PLPPR1: variants seen among roughly 807,000 people sequenced by gnomAD.
The protein encoded by PLPPR1 is phospholipid phosphatase-related protein type 1.
A neutral mutation model predicts 33.1 loss-of-function variants in PLPPR1; 10 were observed. The ratio of observed to expected loss-of-function variants is 0.30; its 90% CI spans 0.19 to 0.51. PLPPR1 has a LOEUF of 0.51. PLPPR1 is among the 20% of genes least tolerant of loss of function. PLPPR1 has a pLI of 0.97. For missense variants in PLPPR1, 304 were observed against 408.1 expected, an observed-to-expected ratio of 0.74 and a Z score of 2.20; for synonymous variants, 151 against 151.0, an observed-to-expected ratio of 1.00 and a Z score of 0.00.
At chr9:101,317,813 T>C (rs1829084024) in intron 7 of PLPPR1, among the ~76,000 whole-genome samples, 1 of 152,184 alleles carries the variant, frequency 6.6e-6, no homozygotes, top group South Asian at 2.1e-4. Flanking sequence ...AAAAAAGCAA[T>C]TTGACTTAAT....
chr9:101,165,885 T>A (rs3097688), intron 1 of PLPPR1, among the ~76,000 whole-genome samples: 97,434 of 152,034 alleles, frequency 0.64, 31,974 homozygotes, highest in Non-Finnish European at 0.72. Context: ...GAATTCACTC[T>A]CCTGCCTGTC....
intron 1 of PLPPR1, among the ~76,000 whole-genome samples, chr9:101,170,076 G>A (rs984461335): frequency 6.6e-5 from 10 of 152,070 alleles, no homozygotes; most frequent in South Asian, 2.1e-4. Context: ...GCTGAGGGAC[G>A]TTGTTTATAT....
At position 101,287,586 on chromosome 9, in the gene PLPPR1, C is replaced by T. The variant is rs112331623; in HGVS notation, c.385+1350C>T. ...CACGACCTCGGCTCACTGCAACCTC[C>T]GTCTGCCAGGTTCAAGCGATTCTCC... On this transcript the variant is annotated intron_variant, in intron 4 of 7. Transcript: ENST00000374874. 8.9e-4 allele frequency among the ~76,000 whole-genome samples: 136 copies of T among 152,298 alleles called. 1 individual carries two copies. The highest frequency in any genetic ancestry group is 3.0e-3 in the African/African-American group (125 of 41,552).
chr9:101,224,810 G>A (rs1827028455), intron 2 of PLPPR1, among the ~76,000 whole-genome samples: 1 of 152,164 alleles, frequency 6.6e-6, no homozygotes, highest in Non-Finnish European at 1.5e-5. Context: ...TGTGGTCCCA[G>A]ACTGAGAGAG....
chr9:101,156,685 A>ATAAT (rs10656528), intron 1 of PLPPR1, among the ~76,000 whole-genome samples: 105,979 of 151,418 alleles, frequency 0.7, 37,538 homozygotes, highest in Non-Finnish European at 0.73. Context: ...ATGAGACATA[A>ATAAT]TAATTCTGTC....
intron 3 of PLPPR1, among the ~76,000 whole-genome samples, chr9:101,278,535 T>TC (rs1284659408): frequency 6.6e-6 from 1 of 152,046 alleles, no homozygotes; most frequent in African/African-American, 2.4e-5. Flanking sequence ...GCACCACCCC[T>TC]CCCCCAACCA....
intron 2 of PLPPR1, among the ~76,000 whole-genome samples, chr9:101,233,641 T>C (rs769606688): frequency 6.6e-6 from 1 of 151,956 alleles, no homozygotes; most frequent in Admixed American, 6.6e-5. Flanking sequence ...TTGCTATTGC[T>C]CTTTCTCTCA....
At chr9:101,070,403 C>T (rs1830467248) in intron 1 of PLPPR1, among the ~76,000 whole-genome samples, 1 of 151,882 alleles carries the variant, frequency 6.6e-6, no homozygotes, top group Middle Eastern at 3.2e-3. Context: ...TTGACATATT[C>T]CTATCATAGG....
chr9:101,238,331 ACCTC>A (rs1827372917), intron 2 of PLPPR1, among the ~76,000 whole-genome samples: 2 of 118,444 alleles, frequency 1.7e-5, no homozygotes, highest in African/African-American at 7.0e-5. Context: ...ATGTATATAT[ACCTC>A]TCTATATATA....
chr9:101,246,119 G>C (rs528339726), intron 2 of PLPPR1, among the ~76,000 whole-genome samples: 1 of 119,590 alleles, frequency 8.4e-6, no homozygotes, highest in Admixed American at 9.0e-5. Flanking sequence ...TAGATAGATA[G>C]ATAGATTTGT....
intron 3 of PLPPR1, among the ~76,000 whole-genome samples, chr9:101,270,746 G>C (rs1828082170): frequency 6.6e-6 from 1 of 152,186 alleles, no homozygotes; most frequent in Admixed American, 6.5e-5. Context: ...TTAACACTTA[G>C]ACATTTTAAT....
chr9:101,314,781 T>C (rs1482349178), intron 6 of PLPPR1, among the ~76,000 whole-genome samples: 1 of 151,110 alleles, frequency 6.6e-6, no homozygotes, highest in African/African-American at 2.4e-5. Flanking sequence ...CAACATGCAA[T>C]AAAGTGAAGA....
chr9:101,240,069 T>C (rs147231918), intron 2 of PLPPR1, among the ~76,000 whole-genome samples: 28 of 152,196 alleles, frequency 1.8e-4, no homozygotes, highest in African/African-American at 6.7e-4. Flanking sequence ...TTGATTTTTG[T>C]AAATGATGAG....
chr9:101,167,141 GGTGTGTGTGT>G (rs756843224), intron 1 of PLPPR1, among the ~76,000 whole-genome samples: 455 of 39,740 alleles, frequency 0.011, 7 homozygotes, highest in African/African-American at 0.026. Flanking sequence ...TATGTCTCTC[GGTGTGTGTGT>G]GTGTGTGTGT....
intron 1 of PLPPR1, among the ~76,000 whole-genome samples, chr9:101,124,415 C>T (rs1294592336): frequency 6.6e-6 from 1 of 152,170 alleles, no homozygotes; most frequent in Non-Finnish European, 1.5e-5. Context: ...GTAGGTAAAA[C>T]CCTGGTGCTC....
At chr9:101,149,607 T>C (rs1226914714) in intron 1 of PLPPR1, among the ~76,000 whole-genome samples, 1 of 152,212 alleles carries the variant, frequency 6.6e-6, no homozygotes, top group African/African-American at 2.4e-5. Flanking sequence ...ATTTTATCCA[T>C]GGTTTTTCAT....
chr9:101,142,333 T>A (rs1831462686), intron 1 of PLPPR1, among the ~76,000 whole-genome samples: 2 of 152,190 alleles, frequency 1.3e-5, no homozygotes, highest in South Asian at 4.1e-4. Context: ...AGTAGATGGG[T>A]TAAAGACCCA....
At chr9:101,254,850 C>T (rs1448514602) in intron 2 of PLPPR1, among the ~76,000 whole-genome samples, 1 of 152,094 alleles carries the variant, frequency 6.6e-6, no homozygotes, top group African/African-American at 2.4e-5. Flanking sequence ...GTATTGACAA[C>T]CTTATGTCTT....
At chr9:101,313,016 C>T (rs1828987052) in intron 6 of PLPPR1, 42 bp downstream of exon 6, 6 of 1,592,484 alleles carry the variant, frequency 3.8e-6, no homozygotes, top group Non-Finnish European at 5.2e-6. Flanking sequence ...CCCTCTTCTA[C>T]TCTCTGAAAA....
Sources: allele counts gnomAD v4.1 joint callset (sites outside exome capture counted in the v4.1 genomes callset), GRCh38; gene constraint gnomAD v4.1.1; transcripts MANE v1.5; gene names NCBI Gene and HGNC (gene_info 2026-07-23, HGNC 2026-07-21).